The following MAB21L4 variants were observed in gnomAD, a reference collection of about 807,000 sequenced individuals.
MAB21L4 encodes the protein protein mab-21-like 4.
In MAB21L4, 25 loss-of-function variants were observed where a neutral mutation model predicts 32.4. That is an observed-to-expected ratio of 0.77 (90% CI 0.56 to 1.08). MAB21L4 has a LOEUF of 1.08. Among genes scored for constraint, MAB21L4 ranks in the 50% least tolerant of loss-of-function variants. MAB21L4 has a pLI of 0.00. For synonymous variants in MAB21L4, 280 were observed against 276.8 expected, an observed-to-expected ratio of 1.01 and a Z score of -0.11; for missense variants, 638 against 611.0, an observed-to-expected ratio of 1.04 and a Z score of -0.47.
At position 240,888,625 on chromosome 2, in the gene MAB21L4, C is replaced by T. The variant is rs1330202509; in HGVS notation, c.918G>A (p.Val306=). 1 of 1,584,956 alleles carries T rather than the reference C, an allele frequency of 6.3e-7. No homozygotes were observed. The highest frequency in any genetic ancestry group is 1.3e-5 in the African/African-American group (1 of 74,168). The change falls in exon 4 of 5, where the codon GTG becomes GTA. Residue 306 remains valine (V), a synonymous_variant. Coordinates refer to ENST00000388934, the MANE Select transcript of MAB21L4 (RefSeq NM_001085437.3). ...CCCAGTCCTCGGGCGCCAGGAAGAG[C>T]ACAGAGGCCCACAGCAGCACCATCT... ...HLKMVLLWAS[V]LFLAPEDWAE...
At chr2:240,889,431 G>A (rs559089818) in intron 3 of MAB21L4, among the ~76,000 whole-genome samples, 29 of 152,268 alleles carry the variant, frequency 1.9e-4, no homozygotes, top group Non-Finnish European at 3.5e-4. Flanking sequence ...GGGGCCAGCC[G>A]AGCAGACCCC....
chr2:240,891,997 C>T, intron 1 of MAB21L4: 32 of 1,517,528 alleles, frequency 2.1e-5, no homozygotes, highest in Non-Finnish European at 2.7e-5. Flanking sequence ...GGTGACAGTC[C>T]TCGGCACAAC....
rs371291474 is a variant in MAB21L4, at chr2:240,887,318, C to T, written c.1252-156G>A. Among the ~76,000 whole-genome samples the T allele has an allele frequency of 4.8e-4, 73 of 152,352 alleles. No individual in the cohort carries two copies. The East Asian group carries it at 8.1e-3, about 17-fold the overall frequency. ...TCTGCCTGGACAGGCATCCTAGAGG[C>T]GGAGCGGCCCCAGCCTCTGCTGCTC... On this transcript the variant is annotated intron_variant, in intron 4 of 4. Coordinates refer to ENST00000388934, the MANE Select transcript of MAB21L4 (RefSeq NM_001085437.3).
At chr2:240,890,297 A>T in intron 2 of MAB21L4, 139 bp from the exon 3 acceptor site, 4 of 1,070,982 alleles carry the variant, frequency 3.7e-6, no homozygotes, top group Non-Finnish European at 5.2e-6. Context: ...GCCGGAACCC[A>T]GGCTTCTCGG....
Position 240,888,531 on chromosome 2 carries a change from G to A in MAB21L4, c.1012C>T (p.Pro338Ser). The change falls in exon 4 of 5, where the codon CCC becomes TCC. Residue 338 changes from proline (P) to serine (S), a missense_variant. Coordinates refer to ENST00000388934, the MANE Select transcript of MAB21L4 (RefSeq NM_001085437.3). ...LLCCLATRKL[P>S]HFLHPQRNLL... ...TTGCGCTGCGGGTGGAGGAAGTGGG[G>A]CAGCTTCCGCGTGGCCAGGCAACAG... 6.2e-7 allele frequency: 1 copy of A among 1,608,150 alleles called. No homozygotes were observed. Among genetic ancestry groups the A allele is most frequent in the Non-Finnish European group, 8.5e-7 (1 of 1,179,298 alleles).
rs1237901845 is a variant in MAB21L4 at position 240,889,911 on chromosome 2, G to A, written c.894+94C>T. On this transcript the variant is annotated intron_variant, in intron 3 of 4. Transcript: ENST00000388934. The stretch of plus-strand genomic sequence containing the variant: ...CTCCGACTTGGGACTCATAGCAGCT[G>A]CCTGCCAGTCAGGGCTGGCAGGAGG... 7 of 1,377,886 alleles carry A rather than the reference G, an allele frequency of 5.1e-6. No individual in the cohort carries two copies. The Admixed American group carries it at 1.6e-4, about 31-fold the overall frequency. 85.4% of individuals were successfully genotyped at this position (1,377,886 alleles called of 1,614,324 possible).
At chr2:240,896,570 GT>G (rs1289962724), upstream of MAB21L4, among the ~76,000 whole-genome samples, 2 of 152,186 alleles carry the variant, frequency 1.3e-5, no homozygotes, top group Non-Finnish European at 2.9e-5. Flanking sequence ...AGACCCCGCT[GT>G]GGGGGAGCCC....
intron 1 of MAB21L4, chr2:240,892,174 G>T: frequency 1.3e-6 from 1 of 750,134 alleles, no homozygotes; most frequent in Non-Finnish European, 2.0e-6. Context: ...CAAAGTCCCA[G>T]CCCTCAGCTA....
In MAB21L4 at chr2:240,895,828, A is replaced by T. The variant is rs1388181659; in HGVS notation, c.170T>A (p.Phe57Tyr). 1 of 1,589,300 alleles carries T rather than the reference A, an allele frequency of 6.3e-7. No homozygotes were observed. Among genetic ancestry groups the T allele is most frequent in the Non-Finnish European group, 8.6e-7 (1 of 1,165,370 alleles). Residue 57 changes from phenylalanine (F) to tyrosine (Y), a missense_variant, in exon 1 of 5, where the codon TTC becomes TAC. Transcript: ENST00000388934. ...CAGGCCACGGGAGTAGTCCACGATG[A>T]AGCGGGGGTCCAGGGCATGCACGCG... is the stretch of plus-strand genomic sequence containing the variant. ...LERVHALDPRFIVDYSRGLEA... is the reference protein window; with the variant it reads ...LERVHALDPRYIVDYSRGLEA...
At chr2:240,888,809 C>T (rs2059119942) in intron 3 of MAB21L4, among the ~76,000 whole-genome samples, 161 bp from the exon 4 acceptor site, 1 of 151,498 alleles carries the variant, frequency 6.6e-6, no homozygotes, top group Admixed American at 6.6e-5. Flanking sequence ...GAGTCCCAGG[C>T]CCCTCCCACC....
At chr2:240,887,225 A>C in intron 4 of MAB21L4, 63 bp from the exon 5 acceptor site, 1 of 1,351,682 alleles carries the variant, frequency 7.4e-7, no homozygotes, top group East Asian at 2.3e-5. Flanking sequence ...ATAAGCTCTC[A>C]GGGCCGAGAG....
Position 240,895,566 on chromosome 2 carries a change from C to T in MAB21L4, c.432G>A (p.Val144=). ...EGDAKCRGHI[V]PSKVLCVLKD... Reference sequence around the variant, plus strand: ...TGAGGACACACAGGACCTTGCTGGGCACAATGTGTCCACGGCACTTGGCGT... The same window carrying T: ...TGAGGACACACAGGACCTTGCTGGGTACAATGTGTCCACGGCACTTGGCGT... Residue 144 remains valine, a synonymous_variant, in exon 1 of 5, where the codon GTG becomes GTA. Coordinates refer to ENST00000388934, the MANE Select transcript of MAB21L4 (RefSeq NM_001085437.3). The T allele has an allele frequency of 6.2e-7, 1 of 1,611,892 alleles. No individual in the cohort carries two copies. Among genetic ancestry groups the T allele is most frequent in the African/African-American group, 1.3e-5 (1 of 75,048 alleles).
chr2:240,889,617 G>C (rs1337111046), intron 3 of MAB21L4, among the ~76,000 whole-genome samples: 1 of 152,228 alleles, frequency 6.6e-6, no homozygotes, highest in Non-Finnish European at 1.5e-5. Flanking sequence ...GGACTCTCCT[G>C]GGAACCCCCA....
chr2:240,895,127 G>A (rs1435344497), intron 1 of MAB21L4, among the ~76,000 whole-genome samples: 2 of 152,168 alleles, frequency 1.3e-5, no homozygotes, highest in Non-Finnish European at 2.9e-5. Context: ...CTCCTGCAAG[G>A]CCACCAGTGA....
chr2:240,894,517 A>G (rs1191845159), intron 1 of MAB21L4, among the ~76,000 whole-genome samples: 3 of 152,136 alleles, frequency 2.0e-5, no homozygotes, highest in African/African-American at 7.2e-5. Flanking sequence ...CAAGGCCCCA[A>G]AGGTGGGCCT....
In MAB21L4 at chr2:240,895,787, C is replaced by A. The variant is rs371171789; in HGVS notation, c.211G>T (p.Ala71Ser). 2.5e-6 allele frequency: 4 copies of A among 1,606,840 alleles called. No individual in the cohort carries two copies. The highest frequency in any genetic ancestry group is 2.2e-5 in the South Asian group (2 of 90,612). Residue 71 changes from alanine (A) to serine (S), a missense_variant, in exon 1 of 5, where the codon GCC (alanine) becomes TCC (serine). Coordinates refer to ENST00000388934, the MANE Select transcript of MAB21L4 (RefSeq NM_001085437.3). ...YSRGLEAFQF[A>S]LRSSEDPMDM... ...ATTGGGTCCTCAGAGGAGCGCAGGGCGAACTGGAAGGCCTCCAGGCCACGG... is the reference window on the plus strand; with the variant it reads ...ATTGGGTCCTCAGAGGAGCGCAGGGAGAACTGGAAGGCCTCCAGGCCACGG...
Position 240,896,139 on chromosome 2 carries a change from C to T in MAB21L4, c.-142G>A. ...GCCTCAGCTCCCACACAGCAGAATT[C>T]CAGAGTGACAGCACAGTGTGGCAGG... On this transcript the variant is annotated 5_prime_UTR_variant, in exon 1 of 5. Coordinates refer to ENST00000388934, the MANE Select transcript of MAB21L4 (RefSeq NM_001085437.3). The T allele has an allele frequency of 7.4e-7, 1 of 1,353,288 alleles. No individual in the cohort carries two copies. Among genetic ancestry groups the T allele is most frequent in the Non-Finnish European group, 9.4e-7 (1 of 1,059,688 alleles). 83.8% of individuals were successfully genotyped at this position (1,353,288 alleles called of 1,614,324 possible).
At position 240,895,855 on chromosome 2, in the gene MAB21L4, T is replaced by C; in HGVS notation, c.143A>G (p.Glu48Gly). Residue 48 changes from glutamate (E) to glycine (G), a missense_variant, in exon 1 of 5, where the codon GAG becomes GGG. Coordinates refer to ENST00000388934, the MANE Select transcript of MAB21L4 (RefSeq NM_001085437.3). ...GCGGGGGTCCAGGGCATGCACGCGCTCCAGCACCGTGAGCAGCACGTTCTC... is the reference window on the plus strand; with the variant it reads ...GCGGGGGTCCAGGGCATGCACGCGCCCCAGCACCGTGAGCAGCACGTTCTC... Reference protein sequence around the residue: ...RAENVLLTVLERVHALDPRFI... With the variant: ...RAENVLLTVLGRVHALDPRFI... 6.4e-7 allele frequency: 1 copy of C among 1,568,030 alleles called. No homozygotes were observed. The highest frequency in any genetic ancestry group is 1.2e-5 in the South Asian group (1 of 84,286).
intron 1 of MAB21L4, chr2:240,892,145 T>A: frequency 9.5e-7 from 1 of 1,055,460 alleles, no homozygotes; most frequent in Non-Finnish European, 1.3e-6. Flanking sequence ...GCCTGCTCAC[T>A]CTGCCCCAGC....
Sources: allele counts gnomAD v4.1 joint callset (sites outside exome capture counted in the v4.1 genomes callset), GRCh38; gene constraint gnomAD v4.1.1; transcripts MANE v1.5; gene names NCBI Gene and HGNC (gene_info 2026-07-23, HGNC 2026-07-21).